The following TDRD12 variants were observed in gnomAD, a reference collection of about 807,000 sequenced individuals.
TDRD12 encodes the protein tudor domain containing 12, also known as putative ATP-dependent RNA helicase TDRD12.
In TDRD12, 158 loss-of-function variants were observed where a neutral mutation model predicts 133.5. The ratio of observed to expected loss-of-function variants is 1.18; its 90% CI spans 1.04 to 1.35. The LOEUF is 1.35. TDRD12 is among the 40% of genes most tolerant of loss of function. TDRD12 has a pLI of 0.00. For missense variants in TDRD12, 1,443 were observed against 1,321.3 expected (o/e 1.09, Z -1.43); for synonymous variants, 460 against 477.9 (o/e 0.96, Z 0.49).
At chr19:32,729,474 C>G in intron 1 of TDRD12, among the ~76,000 whole-genome samples, 1 of 151,736 alleles carries the variant, frequency 6.6e-6, no homozygotes, top group Non-Finnish European at 1.5e-5. Flanking sequence ...GTCTCGGCCT[C>G]CCAAAGTGCT....
chr19:32,804,188 T>C (rs1440267858), intron 21 of TDRD12, among the ~76,000 whole-genome samples: 1 of 151,880 alleles, frequency 6.6e-6, no homozygotes, highest in Non-Finnish European at 1.5e-5. Context: ...TTCTCTTGCC[T>C]CAGCCTCCCG....
chr19:32,752,782 A>G (rs1360829361), intron 6 of TDRD12, among the ~76,000 whole-genome samples: 3 of 140,876 alleles, frequency 2.1e-5, no homozygotes, highest in Non-Finnish European at 4.6e-5. Flanking sequence ...AGAATCAGCC[A>G]CTTCTTCCTT....
chr19:32,820,792 C>G (rs891267440), intron 27 of TDRD12, among the ~76,000 whole-genome samples: 9 of 152,148 alleles, frequency 5.9e-5, no homozygotes, highest in Non-Finnish European at 1.0e-4. Flanking sequence ...GGCAAACCAT[C>G]TTGGTGAAGA....
intron 18 of TDRD12, among the ~76,000 whole-genome samples, chr19:32,801,529 C>G (rs1414552675): frequency 6.6e-6 from 1 of 152,114 alleles, no homozygotes; most frequent in Non-Finnish European, 1.5e-5. Context: ...AAAATAGTTT[C>G]AGCAAAATAC....
At chr19:32,819,238 G>T (rs1238219065) in intron 27 of TDRD12, among the ~76,000 whole-genome samples, 2 of 151,352 alleles carry the variant, frequency 1.3e-5, no homozygotes, top group African/African-American at 4.9e-5. Flanking sequence ...GATTGGTTGA[G>T]CCCAGGAGGT....
At chr19:32,776,534 C>T (rs965808731) in intron 10 of TDRD12, among the ~76,000 whole-genome samples, 1 of 152,184 alleles carries the variant, frequency 6.6e-6, no homozygotes, top group Non-Finnish European at 1.5e-5. Context: ...GAGATTCTGG[C>T]GTCTGCACCT....
chr19:32,744,499 CAAAAAAAAAAAAAA>C lies in TDRD12; in HGVS notation c.440+1611_440+1624del, dbSNP rs10644749. The stretch of plus-strand genomic sequence containing the variant: ...TGGGTGACAGAGTGAGACTCCGTCT[CAAAAAAAAAAAAAA>C]AAAAAAAAAAACAAAAGAATATAGA... On this transcript the variant is annotated intron_variant, in intron 4 of 27. Coordinates refer to ENST00000444215, the Ensembl canonical transcript of TDRD12. Among the ~76,000 whole-genome samples, 18 of 38,100 alleles carry C rather than the reference CAAAAAAAAAAAAAA, an allele frequency of 4.7e-4. No homozygotes were observed. The East Asian group carries it at 0.016, about 33-fold the overall frequency. 25.0% of individuals were successfully genotyped at this position (38,100 alleles called of 152,430 possible). A position where few individuals can be genotyped will look rare whatever the true frequency, so the allele number is the denominator to read the frequency against.
chr19:32,779,291 C>T (rs766996787), intron 11 of TDRD12, among the ~76,000 whole-genome samples: 3 of 152,220 alleles, frequency 2.0e-5, no homozygotes, highest in Non-Finnish European at 4.4e-5. Flanking sequence ...CTCTGTGTGA[C>T]ACCTGTGGTT....
intron 4 of TDRD12, among the ~76,000 whole-genome samples, chr19:32,745,073 C>T (rs566254767): frequency 1.6e-4 from 24 of 152,306 alleles, no homozygotes; most frequent in East Asian, 3.9e-4. Context: ...TCCAGCCAGC[C>T]CCCCCCACTA....
At chr19:32,754,635 A>C (rs1487926820) in intron 6 of TDRD12, among the ~76,000 whole-genome samples, 1 of 149,996 alleles carries the variant, frequency 6.7e-6, no homozygotes, top group South Asian at 2.1e-4. Flanking sequence ...ATCTCTTTCT[A>C]ACCATGTAGG....
chr19:32,773,574 T>C (rs1378083617), intron 10 of TDRD12, 42 bp downstream of exon 10: 7 of 1,524,042 alleles, frequency 4.6e-6, no homozygotes, highest in Non-Finnish European at 6.2e-6. Context: ...GGCGCCTGCC[T>C]GTAGTCCCAG....
intron 5 of TDRD12, among the ~76,000 whole-genome samples, chr19:32,749,092 G>C (rs953462868): frequency 6.6e-6 from 1 of 152,144 alleles, no homozygotes; most frequent in Admixed American, 6.5e-5. Flanking sequence ...GTGCTGCCTG[G>C]TGCCTCGTTG....
At chr19:32,763,271 T>C (rs1226891411) in intron 8 of TDRD12, among the ~76,000 whole-genome samples, 2 of 152,202 alleles carry the variant, frequency 1.3e-5, no homozygotes, top group Non-Finnish European at 2.9e-5. Flanking sequence ...TTTGATACCA[T>C]ATAAATGGTA....
chr19:32,802,987 G>A (rs893170390), exon 21 of TDRD12: 4 of 1,535,990 alleles, frequency 2.6e-6, no homozygotes, highest in Admixed American at 2.0e-5. Flanking sequence ...AGAAAGATGC[G>A]AGCCATGCGG....
chr19:32,822,464 G>A (rs1265110010), downstream of TDRD12, among the ~76,000 whole-genome samples: 1 of 151,894 alleles, frequency 6.6e-6, no homozygotes, highest in African/African-American at 2.4e-5. Flanking sequence ...ATAGATAAAC[G>A]GGGCTGGGTG....
chr19:32,827,357 T>TTTTTCTTTTC (rs1359617210), exon 10 of TDRD12: 12,121 of 361,360 alleles, frequency 0.034, 1,252 homozygotes, highest in East Asian at 0.063. Context: ...TAACCAAATC[T>TTTTTCTTTTC]TTTTCTTTTC....
intron 1 of TDRD12, 21 bp downstream of exon 1, chr19:32,720,117 C>G: frequency 3.9e-6 from 6 of 1,545,872 alleles, no homozygotes; most frequent in Non-Finnish European, 5.2e-6. Flanking sequence ...CCAAGCCAGA[C>G]CCACGCCAGA....
At chr19:32,822,607 CGTG>C (rs1421222154), downstream of TDRD12, among the ~76,000 whole-genome samples, 1 of 150,750 alleles carries the variant, frequency 6.6e-6, no homozygotes, top group East Asian at 2.0e-4. Context: ...ATTAGCCAGG[CGTG>C]GTGGTGGGCA....
At chr19:32,825,635 A>C (rs1967564048), downstream of TDRD12, among the ~76,000 whole-genome samples, 1 of 152,178 alleles carries the variant, frequency 6.6e-6, no homozygotes, top group African/African-American at 2.4e-5. This position sits in a 1 kb window ranked among gnomAD's most constrained non-coding sequence, Gnocchi z 4.1. Flanking sequence ...TAATCCCACC[A>C]CTTTGGGAGG....
Sources: allele counts gnomAD v4.1 joint callset (sites outside exome capture counted in the v4.1 genomes callset), GRCh38; gene constraint gnomAD v4.1.1; non-coding constraint Gnocchi (gnomAD v3.1); transcripts MANE v1.5; gene names NCBI Gene and HGNC (gene_info 2026-07-23, HGNC 2026-07-21).